Variants in SSBP3 observed in about 807,000 individuals in gnomAD.
SSBP3 encodes the protein single stranded DNA binding protein 3.
A neutral mutation model predicts 69.6 loss-of-function variants in SSBP3; 5 were observed. That is an observed-to-expected ratio of 0.07 (90% CI 0.04 to 0.15). The LOEUF is 0.15. Among genes scored for constraint, SSBP3 ranks in the 10% least tolerant of loss-of-function variants. The pLI is 1.00. For synonymous variants in SSBP3, 196 were observed against 193.4 expected, an observed-to-expected ratio of 1.01 and a Z score of -0.11; for missense variants, 312 against 534.0, an observed-to-expected ratio of 0.58 and a Z score of 4.10.
At chr1:54,365,836 A>C (rs1001182740) in intron 4 of SSBP3, among the ~76,000 whole-genome samples, 3 of 152,218 alleles carry the variant, frequency 2.0e-5, no homozygotes, top group Non-Finnish European at 4.4e-5. Flanking sequence ...CTAACTGTTA[A>C]GAGCACTGAC....
At chr1:54,332,027 C>T (rs1015507815) in intron 4 of SSBP3, among the ~76,000 whole-genome samples, 6 of 152,162 alleles carry the variant, frequency 3.9e-5, no homozygotes, top group African/African-American at 1.2e-4. Context: ...TTATCAAGTC[C>T]GAATCATCTT....
chr1:54,277,391 T>C (rs1236332525), intron 5 of SSBP3, among the ~76,000 whole-genome samples: 1 of 152,156 alleles, frequency 6.6e-6, no homozygotes, highest in Non-Finnish European at 1.5e-5. Context: ...CTCCCTCCTT[T>C]TATCTAATTC....
intron 4 of SSBP3, among the ~76,000 whole-genome samples, chr1:54,290,590 A>G (rs1444037943): frequency 6.6e-6 from 1 of 152,190 alleles, no homozygotes; most frequent in African/African-American, 2.4e-5. Context: ...GGCCCTGCCC[A>G]TTCATCCCAG....
At chr1:54,261,766 G>A (rs1011091042) in intron 5 of SSBP3, among the ~76,000 whole-genome samples, 17 of 152,136 alleles carry the variant, frequency 1.1e-4, no homozygotes, top group Non-Finnish European at 2.2e-4. Context: ...CCAGGGATGC[G>A]GTGGATCAGG....
chr1:54,245,697 G>A (rs1205063829), intron 9 of SSBP3, among the ~76,000 whole-genome samples: 3 of 152,226 alleles, frequency 2.0e-5, no homozygotes, highest in Admixed American at 2.0e-4. Flanking sequence ...GGCTGCTCAG[G>A]GCATGGGCTT....
At chr1:54,361,082 CCT>C (rs1646945094) in intron 4 of SSBP3, among the ~76,000 whole-genome samples, 1 of 151,852 alleles carries the variant, frequency 6.6e-6, no homozygotes, top group Admixed American at 6.6e-5. Flanking sequence ...AAAATGAGAC[CCT>C]GTCTCAAAAA....
intron 5 of SSBP3, among the ~76,000 whole-genome samples, chr1:54,271,593 C>A (rs763298813): frequency 8.3e-6 from 1 of 119,816 alleles, no homozygotes; most frequent in Non-Finnish European, 1.7e-5. Context: ...CTGTTCACAG[C>A]CACTCTGCGG....
chr1:54,329,412 T>C (rs917100849), intron 4 of SSBP3, among the ~76,000 whole-genome samples: 7 of 152,244 alleles, frequency 4.6e-5, no homozygotes, highest in African/African-American at 1.4e-4. Context: ...TCAAGGAGCA[T>C]GCCTGCTGTG....
chr1:54,231,250 C>T (rs970009857), intron 14 of SSBP3, among the ~76,000 whole-genome samples: 1 of 152,236 alleles, frequency 6.6e-6, no homozygotes, highest in Non-Finnish European at 1.5e-5. Context: ...GTGTGAAGTG[C>T]CATCTCACTG....
intron 11 of SSBP3, 118 bp from the exon 12 acceptor site, chr1:54,241,627 G>A: frequency 9.2e-7 from 1 of 1,087,140 alleles, no homozygotes; most frequent in South Asian, 1.3e-5. Flanking sequence ...CAGTGAGCTG[G>A]CCACCCACTT....
At position 54,243,307 on chromosome 1, in the gene SSBP3, G is replaced by A. The variant is rs770577411; in HGVS notation, c.652-8C>T. ...CATGCCGCTGCCGTAATTCTGCAAC[G>A]ATAACCAAGGGTCAGTCTATGAGAA... On this transcript the variant is annotated splice_polypyrimidine_tract_variant and splice_region_variant and intron_variant, in intron 9 of 17. Coordinates refer to ENST00000610401, the Ensembl canonical transcript of SSBP3. 2.6e-5 allele frequency: 42 copies of A among 1,613,446 alleles called. No homozygotes were observed. Among genetic ancestry groups the A allele is most frequent in the South Asian group, 8.8e-5 (8 of 91,068 alleles).
At chr1:54,336,408 T>C (rs899866187) in intron 4 of SSBP3, among the ~76,000 whole-genome samples, 2 of 151,656 alleles carry the variant, frequency 1.3e-5, no homozygotes, top group Non-Finnish European at 2.9e-5. Flanking sequence ...ACAACACTAA[T>C]TGGGAGGGAC....
At chr1:54,239,304 T>C in intron 13 of SSBP3, 105 bp from the exon 14 acceptor site, 1 of 905,358 alleles carries the variant, frequency 1.1e-6, no homozygotes, top group Non-Finnish European at 1.7e-6. Context: ...TAACCTAAAA[T>C]TTCCTCTAAG....
intron 4 of SSBP3, among the ~76,000 whole-genome samples, chr1:54,346,578 G>A (rs1322562641): frequency 2.0e-5 from 3 of 152,082 alleles, no homozygotes. Flanking sequence ...ACTTTGGGAG[G>A]CCAAGGCGGG....
intron 4 of SSBP3, among the ~76,000 whole-genome samples, chr1:54,339,585 T>C (rs998520255): frequency 6.6e-6 from 1 of 152,088 alleles, no homozygotes; most frequent in Middle Eastern, 3.4e-3. Context: ...AAAAACATCA[T>C]TGCAGGAGAG....
intron 10 of SSBP3, 124 bp from the exon 11 acceptor site, chr1:54,242,336 GT>G: frequency 9.1e-7 from 1 of 1,103,120 alleles, no homozygotes; most frequent in Non-Finnish European, 1.3e-6. Context: ...CAGCCCTGCG[GT>G]TTAGAGCCTT....
chr1:54,382,090 A>G (rs2100728423), intron 4 of SSBP3, among the ~76,000 whole-genome samples: 1 of 152,352 alleles, frequency 6.6e-6, no homozygotes, highest in Non-Finnish European at 1.5e-5. Flanking sequence ...GCTTCTCTGG[A>G]GGCTTAGGAA....
In SSBP3 at chr1:54,238,702, C is replaced by T. The variant is rs995448352; in HGVS notation, c.927+427G>A. On this transcript the variant is annotated intron_variant, in intron 14 of 17. Transcript: ENST00000610401. ...GGCAGCAGCACAGGCAGGCGGGTCC[C>T]CCAGCGAGCCCTGTCCCCTTGCTGC... 108 of 308,858 alleles carry T rather than the reference C, an allele frequency of 3.5e-4. 1 individual carries two copies. The highest frequency in any genetic ancestry group is 6.0e-4 in the Non-Finnish European group (91 of 151,262). The allele number at this position is 308,858 out of a possible 1,614,324, so 19.1% of individuals were successfully genotyped here.
At chr1:54,248,657 C>T (rs1373590389) in intron 9 of SSBP3, among the ~76,000 whole-genome samples, 3 of 152,124 alleles carry the variant, frequency 2.0e-5, no homozygotes, top group South Asian at 2.1e-4. Flanking sequence ...AAGATGAGCC[C>T]GTAGGTGACC....
Sources: gnomAD v4.1 joint callset for allele counts (sites outside exome capture counted in the v4.1 genomes callset) on GRCh38, gnomAD v4.1.1 for gene constraint, MANE v1.5 for transcripts, NCBI Gene and HGNC (gene_info 2026-07-23, HGNC 2026-07-21) for gene names.